Variants in SNX8 observed in about 807,000 individuals in gnomAD.
SNX8 encodes sorting nexin-8.
Under a neutral mutation model 51.6 loss-of-function variants are expected in SNX8, and 25 were observed. That is an observed-to-expected ratio of 0.48 (90% CI 0.35 to 0.68). The LOEUF (loss-of-function observed/expected upper bound fraction) is 0.68. SNX8 is among the 30% of genes least tolerant of loss of function. The pLI is 0.00. For synonymous variants in SNX8, 324 were observed against 277.0 expected, an observed-to-expected ratio of 1.17 and a Z score of -1.68; for missense variants, 695 against 624.0, an observed-to-expected ratio of 1.11 and a Z score of -1.21.
chr7:2,316,205 A>T (rs1796753783), upstream of SNX8, among the ~76,000 whole-genome samples: 1 of 146,646 alleles, frequency 6.8e-6, no homozygotes, highest in South Asian at 2.2e-4. Flanking sequence ...GCATTCACTC[A>T]CCCACCCACT....
At chr7:2,321,034 TAAAATA>T (rs1168014034) in intron 1 of SNX8, among the ~76,000 whole-genome samples, 5 of 151,846 alleles carry the variant, frequency 3.3e-5, no homozygotes, top group African/African-American at 9.7e-5. Flanking sequence ...AATAAATAAG[TAAAATA>T]AAAATAAAAA....
rs1288970607 is a variant in SNX8 at position 2,314,330 on chromosome 7, G to A, written c.92C>T (p.Ser31Leu). ...GCTACCGCCGCCCCACGCCCTACCTGACGCCGGGGGATCCGCCTCCTCGTC... is the reference window on the plus strand; with the variant it reads ...GCTACCGCCGCCCCACGCCCTACCTAACGCCGGGGGATCCGCCTCCTCGTC... ...EADEEADPPA[S>L]DLPTPQAIEP... Residue 31 changes from serine to leucine, a missense_variant and splice_region_variant, in exon 1 of 11, where the codon TCA becomes TTA. Coordinates refer to ENST00000222990, the MANE Select transcript of SNX8 (RefSeq NM_013321.4). The A allele has an allele frequency of 2.5e-6, 3 of 1,222,844 alleles. No homozygotes were observed. The highest frequency in any genetic ancestry group is 3.1e-6 in the Non-Finnish European group (3 of 982,118). The allele number at this position is 1,222,844 out of a possible 1,614,324, so 75.7% of individuals were successfully genotyped here.
chr7:2,327,104 C>T (rs1778634551), intron 1 of SNX8, among the ~76,000 whole-genome samples: 1 of 152,160 alleles, frequency 6.6e-6, no homozygotes, highest in Non-Finnish European at 1.5e-5. Flanking sequence ...TTCCTTCTTG[C>T]TTCTTCCAGC....
intron 8 of SNX8, 58 bp from the exon 9 acceptor site, chr7:2,257,572 G>A (rs751019973): frequency 1.9e-5 from 31 of 1,590,932 alleles, no homozygotes; most frequent in Middle Eastern, 1.9e-4. Flanking sequence ...AGGGCCCTGC[G>A]GAGCCGGCCG....
rs572167971 is a variant in SNX8 at position 2,310,825 on chromosome 7, A to C, written c.94+3503T>G. On this transcript the variant is annotated intron_variant, in intron 1 of 10. Coordinates refer to ENST00000222990, the MANE Select transcript of SNX8 (RefSeq NM_013321.4). The stretch of plus-strand genomic sequence containing the variant: ...ACAAAAGAAAGCTAGAGAATATACT[A>C]CGCTAGGGAAACATGAGCACACTTA... Among the ~76,000 whole-genome samples, 6 of 152,282 alleles carry C rather than the reference A, an allele frequency of 3.9e-5. No homozygotes were observed. In the East Asian group the frequency reaches 1.2e-3, roughly 29 times the overall value.
intron 1 of SNX8, among the ~76,000 whole-genome samples, chr7:2,351,708 G>A (rs1779144082): frequency 6.6e-6 from 1 of 151,572 alleles, no homozygotes; most frequent in African/African-American, 2.4e-5. Context: ...GCAGGCGCCT[G>A]TAGTCCCAGC....
chr7:2,345,403 C>T (rs1156772830), intron 1 of SNX8, among the ~76,000 whole-genome samples: 1 of 152,136 alleles, frequency 6.6e-6, no homozygotes, highest in Non-Finnish European at 1.5e-5. Context: ...TGGCCAGGCA[C>T]AGTGGCTCAC....
At chr7:2,256,562 T>G (rs995743844) in intron 10 of SNX8, among the ~76,000 whole-genome samples, 1 of 152,246 alleles carries the variant, frequency 6.6e-6, no homozygotes, top group African/African-American at 2.4e-5. Context: ...AAACCTTCTC[T>G]CAGCCGCAGG....
intron 1 of SNX8, among the ~76,000 whole-genome samples, chr7:2,307,259 A>C (rs559091633): frequency 7.2e-6 from 1 of 139,792 alleles, no homozygotes; most frequent in Admixed American, 7.6e-5. Context: ...CTGCCCTTTA[A>C]GTCTGGTTAT....
At chr7:2,315,705 G>C (rs1188146988), upstream of SNX8, among the ~76,000 whole-genome samples, 1 of 129,586 alleles carries the variant, frequency 7.7e-6, no homozygotes, top group African/African-American at 3.3e-5. Flanking sequence ...CATTCATTCA[G>C]TCACTCACTC....
intron 1 of SNX8, among the ~76,000 whole-genome samples, chr7:2,310,314 T>C (rs966174723): frequency 2.0e-5 from 3 of 152,120 alleles, no homozygotes; most frequent in Admixed American, 2.0e-4. Flanking sequence ...TCAGATATTT[T>C]GACAGGAATA....
At chr7:2,346,256 A>AG (rs1425616988) in intron 1 of SNX8, among the ~76,000 whole-genome samples, 1 of 151,130 alleles carries the variant, frequency 6.6e-6, no homozygotes, top group East Asian at 1.9e-4. Context: ...GTTTGAGCTC[A>AG]CATAGTGAGA....
chr7:2,319,688 G>A lies in SNX8; in HGVS notation c.-66+34534C>T, dbSNP rs560020861. Among the ~76,000 whole-genome samples the A allele has an allele frequency of 1.0e-3, 153 of 152,282 alleles. 1 individual carries two copies. The highest frequency in any genetic ancestry group is 3.4e-3 in the Middle Eastern group (1 of 294). On this transcript the variant is annotated intron_variant, in intron 1 of 5. Coordinates refer to the SNX8 transcript ENST00000435336. ...AAATTAGCTGGGTGTGGTGGCGGGC[G>A]CCTGTAGTCCCAGCTCCTCGGGAGG...
chr7:2,325,192 G>A (rs541433009), intron 1 of SNX8, among the ~76,000 whole-genome samples: 215 of 152,204 alleles, frequency 1.4e-3, no homozygotes, highest in Non-Finnish European at 2.4e-3. Context: ...CTAGGCTAGG[G>A]CACAGTGGTG....
rs182566997 is a variant in SNX8, at chr7:2,353,241, C to G, written c.-66+981G>C. Among the ~76,000 whole-genome samples the G allele has an allele frequency of 1.0e-3, 157 of 152,028 alleles. 1 individual carries two copies. The highest frequency in any genetic ancestry group is 3.7e-3 in the African/African-American group (153 of 41,482). ...AATTGCATATTAAAATGGCTAGGCCCTGCGCGGTGGTTCACGCTTGTAATC... is the reference window on the plus strand; with the variant it reads ...AATTGCATATTAAAATGGCTAGGCCGTGCGCGGTGGTTCACGCTTGTAATC... On this transcript the variant is annotated intron_variant, in intron 1 of 5. Transcript: ENST00000435336.
chr7:2,339,999 C>T (rs564758512), intron 1 of SNX8, among the ~76,000 whole-genome samples: 1 of 151,216 alleles, frequency 6.6e-6, no homozygotes, highest in East Asian at 1.9e-4. Flanking sequence ...ATCTTGCACA[C>T]CAAAAATACA....
chr7:2,284,998 G>A (rs1795990480), intron 1 of SNX8, among the ~76,000 whole-genome samples: 1 of 151,844 alleles, frequency 6.6e-6, no homozygotes, highest in African/African-American at 2.4e-5. Context: ...GGATCACAAG[G>A]TCAGGAGATC....
At chr7:2,352,965 T>C (rs1222947155) in intron 1 of SNX8, among the ~76,000 whole-genome samples, 1 of 152,094 alleles carries the variant, frequency 6.6e-6, no homozygotes, top group Admixed American at 6.6e-5. Flanking sequence ...GTACTAGGCA[T>C]GGGAAGACTC....
chr7:2,274,848 A>C (rs1584688567), intron 3 of SNX8: 1 of 471,268 alleles, frequency 2.1e-6, no homozygotes, highest in African/African-American at 2.0e-5. Flanking sequence ...TCTCTTTCAC[A>C]CCTGCACAGC....
Sources: allele counts gnomAD v4.1 joint callset (sites outside exome capture counted in the v4.1 genomes callset), GRCh38; gene constraint gnomAD v4.1.1; transcripts MANE v1.5; gene names NCBI Gene and HGNC (gene_info 2026-07-23, HGNC 2026-07-21).